AGTPBP1: variants seen among roughly 807,000 people sequenced by gnomAD.
AGTPBP1 encodes cytosolic carboxypeptidase 1.
A neutral mutation model predicts 143.9 loss-of-function variants in AGTPBP1; 70 were observed. The observed-to-expected ratio is 0.49, with a 90% CI of 0.40 to 0.59. The LOEUF (loss-of-function observed/expected upper bound fraction) is 0.59. Ranked by LOEUF, AGTPBP1 falls within the 20% of genes least tolerant of loss-of-function variation. The probability of loss-of-function intolerance (pLI) is 0.00; values close to 1 mark genes in which losing one functional copy is unlikely to be tolerated. For missense variants in AGTPBP1, 1,229 were observed against 1,464.5 expected (o/e 0.84, Z 2.62); for synonymous variants, 463 against 500.2 (o/e 0.93, Z 0.99).
intron 18 of AGTPBP1, among the ~76,000 whole-genome samples, chr9:85,595,784 C>T (rs1829262268): frequency 6.6e-6 from 1 of 152,146 alleles, no homozygotes; most frequent in Middle Eastern, 3.2e-3. Flanking sequence ...ACCTCACCCT[C>T]CCAAAGTGCT....
At chr9:85,689,359 T>G (rs1024827875) in intron 3 of AGTPBP1, among the ~76,000 whole-genome samples, 3 of 152,088 alleles carry the variant, frequency 2.0e-5, no homozygotes, top group African/African-American at 7.2e-5. Context: ...CCTTAACAAT[T>G]AAGATTTAAT....
At chr9:85,778,738 G>A in the AGTPBP1 span, among the ~76,000 whole-genome samples, 7 of 152,230 alleles carry the variant, frequency 4.6e-5, no homozygotes, top group South Asian at 2.1e-4. Flanking sequence ...GGAATATCTC[G>A]ACAGGCCCCA....
chr9:85,577,682 T>TTAC (rs1456735888), intron 24 of AGTPBP1, among the ~76,000 whole-genome samples: 3 of 152,184 alleles, frequency 2.0e-5, no homozygotes, highest in African/African-American at 7.2e-5. Context: ...AAGTTCTACT[T>TTAC]TACTACTACT....
At chr9:85,592,944 C>T (rs948707980) in intron 18 of AGTPBP1, among the ~76,000 whole-genome samples, 50 of 152,172 alleles carry the variant, frequency 3.3e-4, no homozygotes, top group African/African-American at 1.1e-3. Flanking sequence ...ATACTCTTCA[C>T]GTCAAAAAAA....
chr9:85,604,146 G>A (rs1382385971), intron 17 of AGTPBP1, among the ~76,000 whole-genome samples: 1 of 151,898 alleles, frequency 6.6e-6, no homozygotes, highest in Non-Finnish European at 1.5e-5. Context: ...GGCAGTGGTT[G>A]CCATGGGCCT....
At chr9:85,748,393 C>A in the AGTPBP1 span, among the ~76,000 whole-genome samples, 2 of 152,192 alleles carry the variant, frequency 1.3e-5, no homozygotes, top group African/African-American at 4.8e-5. Flanking sequence ...CTCTTCTATA[C>A]TCTATCCTAG....
intron 17 of AGTPBP1, 67 bp downstream of exon 17, chr9:85,618,916 A>T (rs370120113): frequency 7.4e-6 from 11 of 1,487,064 alleles, no homozygotes; most frequent in East Asian, 4.8e-5. Context: ...AATTTTTTTA[A>T]AAAAACTTCT....
chr9:85,578,964 T>G lies in AGTPBP1; in HGVS notation c.3298A>C (p.Thr1100Pro). 1.9e-6 allele frequency: 3 copies of G among 1,613,574 alleles called. No homozygotes were observed. The highest frequency in any genetic ancestry group is 2.5e-6 in the Non-Finnish European group (3 of 1,179,810). ...CAGCCACATAAAGTACTCTCCATGG[T>G]ATAACTTCTTTGTACTCCTATTTCC... ...WREIGVQRSY[T>P]MESTLCGCDQ... The change falls in exon 24 of 26, where the codon ACC becomes CCC. Residue 1100 changes from threonine to proline, a missense_variant. Thr to Pro is a conservative substitution (Grantham distance 38). This residue lies in a region of AGTPBP1 where 486 missense variants were observed against 652.3 expected (regional missense o/e 0.75). Coordinates refer to ENST00000357081, the MANE Select transcript of AGTPBP1 (RefSeq NM_001330701.2).
At chr9:85,655,363 A>T in intron 10 of AGTPBP1, 43 bp from the exon 11 acceptor site, 1 of 1,447,824 alleles carries the variant, frequency 6.9e-7, no homozygotes. Flanking sequence ...GTTTTTGATG[A>T]ATAACTGAAC....
At chr9:85,800,998 T>C in the AGTPBP1 span, among the ~76,000 whole-genome samples, 2 of 151,988 alleles carry the variant, frequency 1.3e-5, no homozygotes, top group African/African-American at 4.8e-5. Context: ...TAACTGAAGT[T>C]TTAATTTTTT....
rs1833427527 is a variant in AGTPBP1, at chr9:85,655,319, T to C, written c.911A>G (p.Glu304Gly). 1 of 1,484,746 alleles carries C rather than the reference T, an allele frequency of 6.7e-7. No homozygotes were observed. The highest frequency in any genetic ancestry group is 1.4e-5 in the African/African-American group (1 of 69,500). 92.0% of individuals were successfully genotyped at this position (1,484,746 alleles called of 1,614,324 possible). Reference sequence around the variant, plus strand: ...ATCCAGAGTCCTGACTGCCAGACATTCCTGTTTTTTAAAAAAAGAAAAAGA... The same window carrying C: ...ATCCAGAGTCCTGACTGCCAGACATCCCTGTTTTTTAAAAAAAGAAAAAGA... ...GMKILYNTSQ[E>G]CLAVRTLDPL... Residue 304 changes from glutamate to glycine, a missense_variant and splice_region_variant, in exon 11 of 26, where the codon GAA (glutamate) becomes GGA (glycine). By Grantham distance (98) the Glu-to-Gly change is moderately conservative. Around this residue, in one of 2 missense-constraint regions of AGTPBP1, gnomAD observed 743 missense variants for 812.2 expected, o/e 0.91. Transcript: ENST00000357081.
chr9:85,549,657 G>A (rs1022657784), intron 25 of AGTPBP1, among the ~76,000 whole-genome samples: 2 of 152,188 alleles, frequency 1.3e-5, no homozygotes, highest in Non-Finnish European at 2.9e-5. Flanking sequence ...AGGATGCCCA[G>A]GATAGAGCTA....
chr9:85,592,198 T>C (rs1829013584), intron 19 of AGTPBP1, among the ~76,000 whole-genome samples: 1 of 152,026 alleles, frequency 6.6e-6, no homozygotes, highest in South Asian at 2.1e-4. Context: ...TCATGGAATC[T>C]TAGCTTAGAG....
chr9:85,648,292 T>C (rs1398756583), intron 11 of AGTPBP1, among the ~76,000 whole-genome samples: 1 of 152,252 alleles, frequency 6.6e-6, no homozygotes, highest in Non-Finnish European at 1.5e-5. Flanking sequence ...GGGACTGTGC[T>C]ACTGGGTCTC....
At chr9:85,667,277 T>C (rs1396154143) in intron 8 of AGTPBP1, among the ~76,000 whole-genome samples, 1 of 152,072 alleles carries the variant, frequency 6.6e-6, no homozygotes, top group Non-Finnish European at 1.5e-5. Flanking sequence ...TATGTGCAAG[T>C]AAGCTCAGAA....
the AGTPBP1 span, among the ~76,000 whole-genome samples, chr9:85,782,313 G>A: frequency 6.6e-6 from 1 of 152,134 alleles, no homozygotes; most frequent in African/African-American, 2.4e-5. Flanking sequence ...GTAGGAGTTC[G>A]AGACCAACCT....
At chr9:85,622,130 AATTT>A (rs1164649720) in intron 14 of AGTPBP1, among the ~76,000 whole-genome samples, 1 of 152,184 alleles carries the variant, frequency 6.6e-6, no homozygotes, top group African/African-American at 2.4e-5. Context: ...TCTCATGTAA[AATTT>A]ATTCTCAAAG....
chr9:85,684,164 ATAG>A (rs1835355731), intron 3 of AGTPBP1, among the ~76,000 whole-genome samples: 1 of 152,192 alleles, frequency 6.6e-6, no homozygotes, highest in Non-Finnish European at 1.5e-5. Context: ...TTCAACATTT[ATAG>A]TAGCCCTCAA....
At chr9:85,615,472 C>A (rs559216792) in intron 17 of AGTPBP1, among the ~76,000 whole-genome samples, 9 of 152,186 alleles carry the variant, frequency 5.9e-5, no homozygotes, top group African/African-American at 2.2e-4. Context: ...GAATATTACA[C>A]AGACATTACT....
Sources: allele counts gnomAD v4.1 joint callset (sites outside exome capture counted in the v4.1 genomes callset), GRCh38; gene constraint gnomAD v4.1.1; regional missense constraint gnomAD v4.1.1; transcripts MANE v1.5; gene names NCBI Gene and HGNC (gene_info 2026-07-23, HGNC 2026-07-21).